RNF214: variants seen among roughly 807,000 people sequenced by gnomAD.
RNF214 encodes the protein ring finger protein 214.
Under a neutral mutation model 75.9 loss-of-function variants are expected in RNF214, and 25 were observed. The observed-to-expected ratio is 0.33, with a 90% CI of 0.24 to 0.46. RNF214 has a LOEUF of 0.46. Ranked by LOEUF, RNF214 falls within the 20% of genes least tolerant of loss-of-function variation. RNF214 has a pLI of 1.00. For missense variants in RNF214, 725 were observed against 857.5 expected, an observed-to-expected ratio of 0.85 and a Z score of 1.93; for synonymous variants, 314 against 308.8, an observed-to-expected ratio of 1.02 and a Z score of -0.18.
At chr11:117,243,147 A>AATTT (rs199909646) in intron 4 of RNF214, among the ~76,000 whole-genome samples, 35,587 of 150,290 alleles carry the variant, frequency 0.24, 5,178 homozygotes, top group East Asian at 0.45. Context: ...TTAATTAATT[A>AATTT]ATTTATTTAT....
intron 6 of RNF214, among the ~76,000 whole-genome samples, chr11:117,261,109 C>G (rs1300746878): frequency 6.6e-6 from 1 of 152,030 alleles, no homozygotes; most frequent in Non-Finnish European, 1.5e-5. Context: ...ATATCTTTGC[C>G]TTGTTCCTGC....
At position 117,238,968 on chromosome 11, in the gene RNF214, A is replaced by G. The variant is rs2032993901; in HGVS notation, c.475A>G (p.Ile159Val). The G allele has an allele frequency of 3.1e-6, 5 of 1,614,188 alleles. No individual in the cohort carries two copies. The highest frequency in any genetic ancestry group is 4.2e-6 in the Non-Finnish European group (5 of 1,180,034). ...CSEEKSPQTS[I>V]LKEGNRDTSL... is the part of the protein sequence containing the mutation. ...TGAAGAGAAATCCCCACAAACCTCCATCCTAAAGGAAGGTAACAGGGACAC... is the reference window on the plus strand; with the variant it reads ...TGAAGAGAAATCCCCACAAACCTCCGTCCTAAAGGAAGGTAACAGGGACAC... The change falls in exon 3 of 15, where the codon ATC becomes GTC. Residue 159 changes from isoleucine (I) to valine (V), a missense_variant. Ile to Val is a conservative substitution (Grantham distance 29). Around this residue, in one of 2 missense-constraint regions of RNF214, gnomAD observed 362 missense variants for 344.5 expected, o/e 1.05. Coordinates refer to ENST00000300650, the MANE Select transcript of RNF214 (RefSeq NM_207343.4).
In RNF214 at chr11:117,282,101, G is replaced by T. The variant is rs1344142622; in HGVS notation, c.1543G>T (p.Gly515Cys). 3.1e-6 allele frequency: 5 copies of T among 1,614,050 alleles called. No individual in the cohort carries two copies. In the South Asian group the frequency reaches 5.5e-5, roughly 18 times the overall value. ...CCATGGCAGAAATAGCCCTGGCTTG[G>T]GTTCCCTTGTCAGCCCCCACGGTCC... ...GSHGRNSPGL[G>C]SLVSPHGPHM... The change falls in exon 11 of 15, where the codon GGT (glycine) becomes TGT (cysteine). Residue 515 changes from glycine (G) to cysteine (C), a missense_variant. This residue lies in a region of RNF214 where 363 missense variants were observed against 513.0 expected (regional missense o/e 0.71). Coordinates refer to ENST00000300650, the MANE Select transcript of RNF214 (RefSeq NM_207343.4).
Position 117,282,789 on chromosome 11 carries a change from A to G in RNF214, c.1889A>G (p.Gln630Arg). 6.2e-7 allele frequency: 1 copy of G among 1,614,088 alleles called. No homozygotes were observed. The highest frequency in any genetic ancestry group is 8.5e-7 in the Non-Finnish European group (1 of 1,180,026). ...IRALFPAPLA[Q>R]ISTPMFLPSA... Reference sequence around the variant, plus strand: ...GCCTTGTTCCCTGCTCCACTGGCCCAAATCAGTACCCCAATGTTCTTGCCT... The same window carrying G: ...GCCTTGTTCCCTGCTCCACTGGCCCGAATCAGTACCCCAATGTTCTTGCCT... The change falls in exon 13 of 15, where the codon CAA (glutamine) becomes CGA (arginine). Residue 630 changes from glutamine (Q) to arginine (R), a missense_variant. Coordinates refer to ENST00000300650, the MANE Select transcript of RNF214 (RefSeq NM_207343.4).
intron 2 of RNF214, among the ~76,000 whole-genome samples, chr11:117,237,325 C>T (rs992426221): frequency 2.6e-5 from 4 of 152,238 alleles, no homozygotes; most frequent in African/African-American, 9.6e-5. Context: ...AAATGATCCT[C>T]CTGCCTTGAC....
intron 6 of RNF214, among the ~76,000 whole-genome samples, chr11:117,263,554 G>T (rs890092099): frequency 3.9e-5 from 6 of 152,206 alleles, no homozygotes; most frequent in African/African-American, 1.4e-4. Flanking sequence ...GATTACAGGC[G>T]TGAGCCACCG....
At chr11:117,256,196 G>A (rs1274346447) in intron 6 of RNF214, among the ~76,000 whole-genome samples, 2 of 152,114 alleles carry the variant, frequency 1.3e-5, no homozygotes, top group Admixed American at 1.3e-4. Context: ...CTAGCATGTT[G>A]TGTATACTGC....
intron 1 of RNF214, among the ~76,000 whole-genome samples, chr11:117,233,090 C>T (rs767434497): frequency 1.6e-4 from 25 of 152,222 alleles, no homozygotes; most frequent in Non-Finnish European, 2.8e-4. Flanking sequence ...CCCTGCTTCG[C>T]TGGTGGTCGC....
intron 6 of RNF214, among the ~76,000 whole-genome samples, chr11:117,254,764 C>T (rs779624058): frequency 7.2e-5 from 11 of 152,090 alleles, no homozygotes; most frequent in Non-Finnish European, 1.5e-4. Context: ...GCTGGGATTA[C>T]AGGCACCCAC....
At chr11:117,278,310 A>G in intron 6 of RNF214, among the ~76,000 whole-genome samples, 1 of 152,168 alleles carries the variant, frequency 6.6e-6, no homozygotes, top group Non-Finnish European at 1.5e-5. Flanking sequence ...TCTCAAAACA[A>G]AACAAAACAT....
At chr11:117,281,126 C>T (rs2034119414) in intron 8 of RNF214, among the ~76,000 whole-genome samples, 188 bp from the exon 9 acceptor site, 1 of 151,782 alleles carries the variant, frequency 6.6e-6, no homozygotes, top group African/African-American at 2.4e-5. Flanking sequence ...AGGCGTGAGC[C>T]ACCACACCTG....
chr11:117,280,614 G>A (rs2034107684), intron 8 of RNF214, among the ~76,000 whole-genome samples: 1 of 152,220 alleles, frequency 6.6e-6, no homozygotes, highest in South Asian at 2.1e-4. Context: ...CGAGGCTGCA[G>A]TGAGCTTTGA....
At chr11:117,284,918 A>C (rs1203790623) in intron 14 of RNF214, among the ~76,000 whole-genome samples, 168 bp from the exon 15 acceptor site, 1 of 152,202 alleles carries the variant, frequency 6.6e-6, no homozygotes, top group East Asian at 1.9e-4. Flanking sequence ...CAATAGAGTG[A>C]GACTGGGTCT....
At position 117,285,323 on chromosome 11, in the gene RNF214, CTA is replaced by C. The variant is rs759737209; in HGVS notation, c.*174_*175del. 15 of 533,050 alleles carry C rather than the reference CTA, an allele frequency of 2.8e-5. No homozygotes were observed. Among genetic ancestry groups the C allele is most frequent in the Non-Finnish European group, 4.7e-5 (14 of 300,040 alleles). 33.0% of individuals were successfully genotyped at this position (533,050 alleles called of 1,614,324 possible). On this transcript the variant is annotated 3_prime_UTR_variant, in exon 15 of 15. Transcript: ENST00000300650. Reference sequence around the variant, plus strand: ...TGTATTCCAATGTTCGTAAATGAAACTATGTATATTATGCAGAAACAGTCTGT... The same window carrying C: ...TGTATTCCAATGTTCGTAAATGAAACTGTATATTATGCAGAAACAGTCTGT...
At chr11:117,234,440 TGTGTAGCTG>T in intron 2 of RNF214, 61 bp downstream of exon 2, 2 of 1,180,052 alleles carry the variant, frequency 1.7e-6, no homozygotes, top group Non-Finnish European at 1.3e-6. Flanking sequence ...GAGATGGTCT[TGTGTAGCTG>T]GTCTTTCTTT....
At chr11:117,280,383 T>A (rs2034103132) in intron 8 of RNF214, 124 bp downstream of exon 8, 3 of 715,036 alleles carry the variant, frequency 4.2e-6, no homozygotes, top group Non-Finnish European at 7.4e-6. Context: ...ATTGTAAGGC[T>A]ATCTCTGTCT....
chr11:117,272,625 T>TA (rs368410159), intron 6 of RNF214, among the ~76,000 whole-genome samples: 127 of 151,398 alleles, frequency 8.4e-4, no homozygotes, highest in African/African-American at 2.4e-3. Flanking sequence ...TTTTTTTTTT[T>TA]AAAAAGAAAG....
chr11:117,269,571 C>T (rs2033865108), intron 6 of RNF214, among the ~76,000 whole-genome samples: 3 of 152,204 alleles, frequency 2.0e-5, no homozygotes, highest in African/African-American at 2.4e-5. Flanking sequence ...CCATGTTGCC[C>T]GGGCTGGTCT....
intron 5 of RNF214, among the ~76,000 whole-genome samples, chr11:117,244,841 ATTT>A (rs1466125242): frequency 2.0e-5 from 3 of 151,204 alleles, no homozygotes; most frequent in Admixed American, 6.6e-5. Flanking sequence ...CATTTTTTGT[ATTT>A]TTGGTAGAGA....
Sources: gnomAD v4.1 joint callset for allele counts (sites outside exome capture counted in the v4.1 genomes callset) on GRCh38, gnomAD v4.1.1 for gene constraint, gnomAD v4.1.1 regional missense constraint, MANE v1.5 for transcripts, NCBI Gene and HGNC (gene_info 2026-07-23, HGNC 2026-07-21) for gene names.